Variants in LIN28B observed in about 807,000 individuals in gnomAD.
LIN28B encodes lin-28 RNA binding posttranscriptional regulator B, also known as protein lin-28 homolog B.
LIN28B carries 5 observed loss-of-function variants against 21.9 expected under a neutral mutation model. The ratio of observed to expected loss-of-function variants is 0.23; its 90% CI spans 0.12 to 0.48. LIN28B has a LOEUF of 0.48. Among genes scored for constraint, LIN28B ranks in the 20% least tolerant of loss-of-function variants. LIN28B has a pLI of 0.98. For missense variants in LIN28B, 245 were observed against 310.5 expected (o/e 0.79, Z 1.58); for synonymous variants, 109 against 111.3 (o/e 0.98, Z 0.13).
In LIN28B at chr6:105,070,403, T is replaced by G. The variant is rs368707799; in HGVS notation, c.384-8011T>G. ...TTTAATTACACAAATAATATATCAG[T>G]TCTTTCTTGTTATTTAAAAAAGAAA... On this transcript the variant is annotated intron_variant, in intron 3 of 3. Transcript: ENST00000345080. Among the ~76,000 whole-genome samples the G allele has an allele frequency of 7.2e-5, 11 of 152,274 alleles. No individual in the cohort carries two copies. In the East Asian group the frequency reaches 1.4e-3, roughly 19 times the overall value.
chr6:105,036,607 G>A (rs1475028211), intron 3 of LIN28B, among the ~76,000 whole-genome samples: 1 of 151,488 alleles, frequency 6.6e-6, no homozygotes, highest in Non-Finnish European at 1.5e-5. Flanking sequence ...CAGACATTGT[G>A]TGGAGCTGAG....
intron 3 of LIN28B, among the ~76,000 whole-genome samples, chr6:105,038,514 G>A (rs1041202458): frequency 6.6e-6 from 1 of 152,156 alleles, no homozygotes; most frequent in Non-Finnish European, 1.5e-5. Flanking sequence ...GTCTGTGTCT[G>A]TTACCAAGTC....
At chr6:105,003,547 C>G (rs1287186271) in intron 2 of LIN28B, among the ~76,000 whole-genome samples, 1 of 151,918 alleles carries the variant, frequency 6.6e-6, no homozygotes, top group Non-Finnish European at 1.5e-5. Flanking sequence ...GATTCTTGCT[C>G]TATCAACCAG....
intron 2 of LIN28B, among the ~76,000 whole-genome samples, chr6:105,009,530 G>C (rs1770880895): frequency 6.6e-6 from 1 of 152,080 alleles, no homozygotes; most frequent in Admixed American, 6.5e-5. Context: ...TACCTGTACA[G>C]CTTGAGAAGT....
chr6:104,982,145 T>C (rs1770238222), intron 2 of LIN28B, among the ~76,000 whole-genome samples: 2 of 152,176 alleles, frequency 1.3e-5, no homozygotes, highest in South Asian at 4.2e-4. Flanking sequence ...AAACCCTGTC[T>C]CTACTAAAAG....
chr6:105,034,780 G>A (rs928505118), intron 3 of LIN28B, among the ~76,000 whole-genome samples: 4 of 152,088 alleles, frequency 2.6e-5, no homozygotes, highest in Admixed American at 1.3e-4. Context: ...TTTTTGTAGA[G>A]CCATAATTTT....
chr6:104,944,321 A>G (rs1778132028), intron 2 of LIN28B, among the ~76,000 whole-genome samples: 1 of 152,118 alleles, frequency 6.6e-6, no homozygotes, highest in Admixed American at 6.5e-5. Context: ...AAGATTTTAA[A>G]AACCCGTTTA....
chr6:105,034,531 A>C (rs1022239884), intron 3 of LIN28B, among the ~76,000 whole-genome samples: 1 of 152,026 alleles, frequency 6.6e-6, no homozygotes, highest in Non-Finnish European at 1.5e-5. Flanking sequence ...TCATAGTAGA[A>C]GAATTTGTTA....
chr6:105,025,994 G>T (rs887271480), intron 2 of LIN28B, among the ~76,000 whole-genome samples: 1 of 151,996 alleles, frequency 6.6e-6, no homozygotes, highest in Admixed American at 6.6e-5. Flanking sequence ...CAGTGCTGTG[G>T]TATCTTTTTG....
chr6:105,020,608 T>G (rs1046680898), intron 2 of LIN28B, among the ~76,000 whole-genome samples: 6 of 150,536 alleles, frequency 4.0e-5, no homozygotes, highest in African/African-American at 1.2e-4. Flanking sequence ...CATGAACCAC[T>G]GCACCCAGGC....
intron 3 of LIN28B, among the ~76,000 whole-genome samples, chr6:105,038,197 A>G (rs990864282): frequency 6.6e-6 from 1 of 152,224 alleles, no homozygotes; most frequent in African/African-American, 2.4e-5. Flanking sequence ...AGGGATTTAG[A>G]CCTTATACGT....
chr6:105,058,668 TA>T (rs982071310), intron 3 of LIN28B, among the ~76,000 whole-genome samples: 12 of 152,216 alleles, frequency 7.9e-5, no homozygotes, highest in Admixed American at 4.6e-4. Flanking sequence ...CCAGCATTTT[TA>T]GTTGTTTTTC....
At chr6:104,996,974 AC>A (rs981782154) in intron 2 of LIN28B, among the ~76,000 whole-genome samples, 4 of 152,054 alleles carry the variant, frequency 2.6e-5, no homozygotes, top group African/African-American at 9.7e-5. Flanking sequence ...ACAGAGTGAA[AC>A]CTTGGTTTTT....
At chr6:105,063,928 C>T (rs1772175280) in intron 3 of LIN28B, among the ~76,000 whole-genome samples, 1 of 146,630 alleles carries the variant, frequency 6.8e-6, no homozygotes, top group Non-Finnish European at 1.5e-5. Context: ...ATTATTTTAT[C>T]TTTTAGTGTA....
intron 2 of LIN28B, among the ~76,000 whole-genome samples, chr6:104,944,201 GTATATTAATTTA>G (rs1562558076): frequency 6.6e-6 from 1 of 152,072 alleles, no homozygotes; most frequent in African/African-American, 2.4e-5. Context: ...TATCCCTGAA[GTATATTAATTTA>G]CTGTGTAACA....
chr6:104,992,484 T>TTG (rs752464999), intron 2 of LIN28B, among the ~76,000 whole-genome samples: 13,891 of 135,724 alleles, frequency 0.1, 656 homozygotes, highest in Middle Eastern at 0.15. Flanking sequence ...TAAGTTTCTG[T>TTG]TGTGTGTGTG....
intron 3 of LIN28B, among the ~76,000 whole-genome samples, chr6:105,046,083 T>C (rs562364049): frequency 6.6e-6 from 1 of 152,314 alleles, no homozygotes; most frequent in East Asian, 1.9e-4. Context: ...TTGTTACATA[T>C]GTATACATGC....
intron 2 of LIN28B, among the ~76,000 whole-genome samples, chr6:105,020,180 C>T (rs912230435): frequency 7.6e-6 from 1 of 131,590 alleles, no homozygotes. Context: ...GTGGCGTAAT[C>T]GTGGGTAGGT....
At chr6:104,992,088 G>C (rs1321257522) in intron 2 of LIN28B, among the ~76,000 whole-genome samples, 1 of 149,956 alleles carries the variant, frequency 6.7e-6, no homozygotes, top group Non-Finnish European at 1.5e-5. Flanking sequence ...TTTTTGAGAT[G>C]GAGTTTTGCT....
Sources: gnomAD v4.1 joint callset for allele counts (sites outside exome capture counted in the v4.1 genomes callset) on GRCh38, gnomAD v4.1.1 for gene constraint, MANE v1.5 for transcripts, NCBI Gene and HGNC (gene_info 2026-07-23, HGNC 2026-07-21) for gene names.